Variants in NXPE4 observed in about 807,000 individuals in gnomAD.
The protein encoded by NXPE4 is NXPE family member 4.
NXPE4 carries 42 observed loss-of-function variants against 33.3 expected under a neutral mutation model. The observed-to-expected ratio is 1.26, with a 90% CI of 0.98 to 1.63. The LOEUF (loss-of-function observed/expected upper bound fraction) is 1.63. NXPE4 is among the 40% of genes most tolerant of loss of function. NXPE4 has a pLI of 0.00. For synonymous variants in NXPE4, 253 were observed against 234.9 expected (o/e 1.08, Z -0.71); for missense variants, 709 against 647.6 (o/e 1.09, Z -1.03).
chr11:114,583,463 G>T, intron 2 of NXPE4: 2 of 664,720 alleles, frequency 3.0e-6, no homozygotes, highest in South Asian at 2.8e-5. Flanking sequence ...CCACAGTGAT[G>T]ACTACATTAA....
At chr11:114,620,691 GT>G in the NXPE4 span, among the ~76,000 whole-genome samples, 12,310 of 152,052 alleles carry the variant, frequency 0.081, 633 homozygotes, top group Middle Eastern at 0.2. Context: ...GGTAACCACT[GT>G]TACCTGGTGG....
At chr11:114,648,055 T>C in the NXPE4 span, among the ~76,000 whole-genome samples, 11 of 152,292 alleles carry the variant, frequency 7.2e-5, no homozygotes, top group Non-Finnish European at 1.5e-4. Context: ...CCCTGTGGTA[T>C]ATAAGACATA....
At chr11:114,668,541 C>G in the NXPE4 span, among the ~76,000 whole-genome samples, 4 of 152,050 alleles carry the variant, frequency 2.6e-5, no homozygotes, top group South Asian at 4.1e-4. Flanking sequence ...TCAGCCTTCT[C>G]TAACTGGAGA....
At chr11:114,653,758 G>A in the NXPE4 span, among the ~76,000 whole-genome samples, 2 of 151,916 alleles carry the variant, frequency 1.3e-5, no homozygotes, top group African/African-American at 4.8e-5. Flanking sequence ...TTGATCTCCT[G>A]ACCTCGTGAT....
chr11:114,654,735 C>G, the NXPE4 span, among the ~76,000 whole-genome samples: 1 of 152,118 alleles, frequency 6.6e-6, no homozygotes, highest in African/African-American at 2.4e-5. Flanking sequence ...GGACATTTGA[C>G]TTGGTTCCGT....
chr11:114,577,348 A>G (rs902983556), intron 5 of NXPE4, among the ~76,000 whole-genome samples: 3 of 151,742 alleles, frequency 2.0e-5, no homozygotes, highest in Admixed American at 6.6e-5. Flanking sequence ...GAACTAAGCT[A>G]TGAGGACGCA....
At chr11:114,624,568 C>A in the NXPE4 span, among the ~76,000 whole-genome samples, 1 of 151,646 alleles carries the variant, frequency 6.6e-6, no homozygotes, top group Middle Eastern at 3.4e-3. Flanking sequence ...AGTATTGCCC[C>A]GTGGGTAACC....
the NXPE4 span, among the ~76,000 whole-genome samples, chr11:114,631,196 T>C: frequency 6.6e-6 from 1 of 152,030 alleles, no homozygotes; most frequent in Admixed American, 6.6e-5. Flanking sequence ...GGGCTATAAA[T>C]CATGCTGCTA....
intron 2 of NXPE4, among the ~76,000 whole-genome samples, chr11:114,589,877 T>G (rs1352343415): frequency 6.6e-6 from 1 of 152,204 alleles, no homozygotes; most frequent in Non-Finnish European, 1.5e-5. Flanking sequence ...GAATGGAGAT[T>G]CATTAATGAG....
chr11:114,571,001 A>C lies in NXPE4; in HGVS notation c.1572T>G (p.Asn524Lys), dbSNP rs763146490. Residue 524 changes from asparagine (N) to lysine (K), a missense_variant, in exon 6 of 6, where the codon AAT becomes AAG. Physicochemically the swap from Asn to Lys is moderately conservative, Grantham distance 94. Coordinates refer to ENST00000375478, the MANE Select transcript of NXPE4 (RefSeq NM_001077639.2). ...WDITIAYGTN[N>K]VHPPQHVVGN... Reference sequence around the variant, plus strand: ...CGACTACATGTTGAGGTGGGTGTACATTATTTGTGCCATATGCAATTGTTA... The same window carrying C: ...CGACTACATGTTGAGGTGGGTGTACCTTATTTGTGCCATATGCAATTGTTA... 3.7e-6 allele frequency: 6 copies of C among 1,613,250 alleles called. No individual in the cohort carries two copies. The South Asian group carries it at 5.5e-5, about 15-fold the overall frequency.
chr11:114,670,614 C>T, the NXPE4 span, among the ~76,000 whole-genome samples: 3 of 151,908 alleles, frequency 2.0e-5, no homozygotes, highest in African/African-American at 7.3e-5. Flanking sequence ...ATCACTTGAA[C>T]CCAGGAGTTC....
At chr11:114,663,281 TA>T in the NXPE4 span, among the ~76,000 whole-genome samples, 1 of 152,146 alleles carries the variant, frequency 6.6e-6, no homozygotes, top group African/African-American at 2.4e-5. Flanking sequence ...CGCAGTACAG[TA>T]GAACCATTAA....
At chr11:114,647,736 C>G in the NXPE4 span, among the ~76,000 whole-genome samples, 6 of 150,564 alleles carry the variant, frequency 4.0e-5, no homozygotes, top group Non-Finnish European at 5.9e-5. Flanking sequence ...GAATCTCACT[C>G]TGTCACCCAG....
chr11:114,647,719 T>TTTA, the NXPE4 span, among the ~76,000 whole-genome samples: 1 of 151,598 alleles, frequency 6.6e-6, no homozygotes, highest in Admixed American at 6.6e-5. Context: ...TTTTTTTTTT[T>TTTA]GAGACAGAAT....
At chr11:114,649,137 T>A in the NXPE4 span, among the ~76,000 whole-genome samples, 3 of 151,990 alleles carry the variant, frequency 2.0e-5, no homozygotes, top group Non-Finnish European at 4.4e-5. Flanking sequence ...TCATGTTTTT[T>A]TTTTTTTAAC....
chr11:114,658,678 G>A, the NXPE4 span, among the ~76,000 whole-genome samples: 2 of 152,176 alleles, frequency 1.3e-5, no homozygotes, highest in Non-Finnish European at 2.9e-5. Context: ...AACTTCTTGA[G>A]GAAGGGCAGA....
upstream of NXPE4, among the ~76,000 whole-genome samples, chr11:114,597,402 G>A (rs376190657): frequency 2.0e-5 from 3 of 152,160 alleles, no homozygotes; most frequent in South Asian, 6.2e-4. Flanking sequence ...AATATTTTCG[G>A]AGAAAGAAAC....
chr11:114,582,244 T>C, intron 3 of NXPE4, 44 bp downstream of exon 3: 1 of 1,523,324 alleles, frequency 6.6e-7, no homozygotes, highest in Non-Finnish European at 8.8e-7. Flanking sequence ...ATAGGCCAAA[T>C]CACAATATTT....
chr11:114,570,925 A>C lies in NXPE4; in HGVS notation c.*13T>G. 1 of 1,534,536 alleles carries C rather than the reference A, an allele frequency of 6.5e-7. No individual in the cohort carries two copies. The highest frequency in any genetic ancestry group is 8.8e-7 in the Non-Finnish European group (1 of 1,135,306). Reference sequence around the variant, plus strand: ...TTTTACTTAAGTGAATGAATTTCAGACTTTTGTGTTATTTAACAAATATAG... The same window carrying C: ...TTTTACTTAAGTGAATGAATTTCAGCCTTTTGTGTTATTTAACAAATATAG... On this transcript the variant is annotated 3_prime_UTR_variant, in exon 6 of 6. Coordinates refer to ENST00000375478, the MANE Select transcript of NXPE4 (RefSeq NM_001077639.2).
Sources: allele counts gnomAD v4.1 joint callset (sites outside exome capture counted in the v4.1 genomes callset), GRCh38; gene constraint gnomAD v4.1.1; transcripts MANE v1.5; gene names NCBI Gene and HGNC (gene_info 2026-07-23, HGNC 2026-07-21).